The following PCDH9 variants were observed in gnomAD, a reference collection of about 807,000 sequenced individuals.
PCDH9 encodes the protein protocadherin 9.
PCDH9 carries 24 observed loss-of-function variants against 70.6 expected under a neutral mutation model. That is an observed-to-expected ratio of 0.34 (90% confidence interval 0.25 to 0.48). The LOEUF (loss-of-function observed/expected upper bound fraction) is 0.48, where lower values mean the gene tolerates loss of function less well. Among genes scored for constraint, PCDH9 ranks in the 20% least tolerant of loss-of-function variants. The pLI, the probability that PCDH9 is intolerant of heterozygous loss-of-function variation, is 0.99. For synonymous variants in PCDH9, 562 were observed against 558.5 expected, an observed-to-expected ratio of 1.01 and a Z score of -0.09; for missense variants, 1,281 against 1,503.6, an observed-to-expected ratio of 0.85 and a Z score of 2.45.
At chr13:66,998,637 C>T (rs953095583) in intron 2 of PCDH9, among the ~76,000 whole-genome samples, 1 of 152,196 alleles carries the variant, frequency 6.6e-6, no homozygotes, top group African/African-American at 2.4e-5. Context: ...ATTCAGGCAT[C>T]GTTGACTTCT....
chr13:67,023,984 A>AT (rs1555298324), intron 2 of PCDH9, among the ~76,000 whole-genome samples: 2 of 151,632 alleles, frequency 1.3e-5, no homozygotes, highest in Admixed American at 6.6e-5. Context: ...GAAAAAAAAA[A>AT]GAAACAAGGG....
At chr13:66,341,276 T>TA (rs1956119480) in intron 4 of PCDH9, among the ~76,000 whole-genome samples, 1 of 152,084 alleles carries the variant, frequency 6.6e-6, no homozygotes, top group African/African-American at 2.4e-5. Flanking sequence ...AGTTTTTTTG[T>TA]AGAGACCAGG....
chr13:66,431,111 G>A (rs1227536131), intron 4 of PCDH9, among the ~76,000 whole-genome samples: 1 of 152,006 alleles, frequency 6.6e-6, no homozygotes, highest in Non-Finnish European at 1.5e-5. Flanking sequence ...CCTAGGGAAT[G>A]AAAGAGTAAT....
chr13:66,683,282 T>C (rs1388871529), intron 3 of PCDH9, among the ~76,000 whole-genome samples: 1 of 152,166 alleles, frequency 6.6e-6, no homozygotes, highest in Non-Finnish European at 1.5e-5. Flanking sequence ...TCAATTTACA[T>C]GGTTTAACTG....
At chr13:67,068,845 T>C (rs1239046557) in intron 2 of PCDH9, among the ~76,000 whole-genome samples, 1 of 152,184 alleles carries the variant, frequency 6.6e-6, no homozygotes, top group Non-Finnish European at 1.5e-5. Context: ...TGTGAAAATA[T>C]GATAGTAAGG....
At chr13:66,478,140 G>T (rs191772764) in intron 4 of PCDH9, among the ~76,000 whole-genome samples, 9 of 152,232 alleles carry the variant, frequency 5.9e-5, no homozygotes, top group Admixed American at 5.9e-4. Flanking sequence ...ATGGTGACGT[G>T]GGATCGGTGA....
chr13:66,389,958 C>T (rs1272693027), intron 4 of PCDH9, among the ~76,000 whole-genome samples: 2 of 152,138 alleles, frequency 1.3e-5, no homozygotes, highest in Admixed American at 6.5e-5. Context: ...CATAGACACA[C>T]ACACACAAAA....
chr13:66,645,669 G>C (rs1323874106), intron 3 of PCDH9, among the ~76,000 whole-genome samples: 1 of 152,126 alleles, frequency 6.6e-6, no homozygotes, highest in East Asian at 1.9e-4. Flanking sequence ...AAGAAAAGTT[G>C]AGACTCCCTA....
chr13:66,755,242 T>C (rs1415451321), intron 3 of PCDH9, among the ~76,000 whole-genome samples: 1 of 152,184 alleles, frequency 6.6e-6, no homozygotes, highest in African/African-American at 2.4e-5. Context: ...ATGAGGCAGA[T>C]ATTATTCCTT....
At chr13:66,336,621 A>G (rs1229216617) in intron 4 of PCDH9, among the ~76,000 whole-genome samples, 2 of 152,110 alleles carry the variant, frequency 1.3e-5, no homozygotes, top group African/African-American at 2.4e-5. Flanking sequence ...TAGGTTTATG[A>G]AGAGGACAAT....
At chr13:66,471,059 G>T (rs1958610279) in intron 4 of PCDH9, among the ~76,000 whole-genome samples, 1 of 151,736 alleles carries the variant, frequency 6.6e-6, no homozygotes, top group Non-Finnish European at 1.5e-5. Flanking sequence ...TGAGCACCTG[G>T]GGGAAATGAT....
intron 4 of PCDH9, among the ~76,000 whole-genome samples, chr13:66,536,059 C>T (rs929903307): frequency 6.6e-6 from 1 of 152,080 alleles, no homozygotes; most frequent in African/African-American, 2.4e-5. Flanking sequence ...CGTGTATCTG[C>T]TCCTCTGCTC....
intron 2 of PCDH9, among the ~76,000 whole-genome samples, chr13:67,187,311 G>T (rs577307003): frequency 6.6e-6 from 1 of 152,218 alleles, no homozygotes; most frequent in East Asian, 1.9e-4. Flanking sequence ...GTCTTTCCCC[G>T]TGTCTTGTTG....
chr13:67,033,245 A>G (rs1380694240), intron 2 of PCDH9, among the ~76,000 whole-genome samples: 2 of 152,274 alleles, frequency 1.3e-5, no homozygotes, highest in East Asian at 3.9e-4. Context: ...TGTTTTTCAT[A>G]ATTAGTGCTC....
At chr13:67,008,341 A>G (rs1043516020) in intron 2 of PCDH9, among the ~76,000 whole-genome samples, 7 of 152,170 alleles carry the variant, frequency 4.6e-5, no homozygotes, top group Non-Finnish European at 8.8e-5. Context: ...TAAACAATTT[A>G]GGCAAGGAGA....
chr13:66,550,717 G>A (rs1029683649), intron 4 of PCDH9, among the ~76,000 whole-genome samples: 5 of 152,064 alleles, frequency 3.3e-5, no homozygotes, highest in Admixed American at 6.6e-5. Flanking sequence ...CATGCCGTTC[G>A]GGTTTTCTGT....
chr13:67,042,780 G>GA (rs1357103127), intron 2 of PCDH9, among the ~76,000 whole-genome samples: 7 of 152,242 alleles, frequency 4.6e-5, no homozygotes, highest in African/African-American at 1.7e-4. Flanking sequence ...AAACAGGCAA[G>GA]AAAATACTAG....
At chr13:67,106,122 A>G (rs1007049994) in intron 2 of PCDH9, among the ~76,000 whole-genome samples, 17 of 152,182 alleles carry the variant, frequency 1.1e-4, no homozygotes, top group Non-Finnish European at 2.4e-4. Context: ...GACATTAAGT[A>G]TATAAAGTGT....
At chr13:66,816,449 C>T (rs2080606652) in intron 3 of PCDH9, among the ~76,000 whole-genome samples, 1 of 152,036 alleles carries the variant, frequency 6.6e-6, no homozygotes, top group Non-Finnish European at 1.5e-5. Flanking sequence ...TCTCTCTCCA[C>T]CTCCCCCCAC....
Sources: gnomAD v4.1 joint callset for allele counts (sites outside exome capture counted in the v4.1 genomes callset) on GRCh38, gnomAD v4.1.1 for gene constraint, MANE v1.5 for transcripts, NCBI Gene and HGNC (gene_info 2026-07-23, HGNC 2026-07-21) for gene names.